PFKFB4: variants seen among roughly 807,000 people sequenced by gnomAD.
PFKFB4 encodes the protein 6-phosphofructo-2-kinase/fructose-2,6-bisphosphatase 4.
In PFKFB4, 42 loss-of-function variants were observed where a neutral mutation model predicts 62.8. The observed-to-expected ratio is 0.67, with a 90% CI of 0.52 to 0.86. The LOEUF (loss-of-function observed/expected upper bound fraction) is 0.86. Among genes scored for constraint, PFKFB4 ranks in the 40% least tolerant of loss-of-function variants. The probability of loss-of-function intolerance (pLI) is 0.00; values close to 1 mark genes in which losing one functional copy is unlikely to be tolerated. For synonymous variants in PFKFB4, 204 were observed against 240.7 expected (o/e 0.85, Z 1.41); for missense variants, 475 against 627.2 (o/e 0.76, Z 2.59).
At chr3:48,544,045 C>T (rs542080143) in intron 3 of PFKFB4, among the ~76,000 whole-genome samples, 12 of 143,312 alleles carry the variant, frequency 8.4e-5, no homozygotes, top group African/African-American at 1.8e-4. Context: ...GACTGAGTCT[C>T]GCTCTGTCAC....
chr3:48,559,057 A>G (rs984037044), upstream of PFKFB4, among the ~76,000 whole-genome samples: 4 of 152,284 alleles, frequency 2.6e-5, no homozygotes, highest in African/African-American at 9.6e-5. Context: ...ACCTCCTGGG[A>G]TGCTAATCAA....
chr3:48,554,283 T>C (rs74986114), intron 1 of PFKFB4, among the ~76,000 whole-genome samples: 3,545 of 152,310 alleles, frequency 0.023, 59 homozygotes, highest in Middle Eastern at 0.048. Context: ...AAGTCTACTA[T>C]GCAAAGGGTA....
At chr3:48,559,427 C>A, upstream of PFKFB4, 2 of 442,872 alleles carry the variant, frequency 4.5e-6, no homozygotes. Context: ...GTCCACAGTG[C>A]AGCATGGACT....
intron 3 of PFKFB4, among the ~76,000 whole-genome samples, chr3:48,547,127 G>C (rs61489735): frequency 0.066 from 9,987 of 152,280 alleles, 1,066 homozygotes; most frequent in African/African-American, 0.22. Context: ...TACACACCAT[G>C]TATGAGCGTG....
rs531213070 is a variant in PFKFB4, at chr3:48,518,747, C to G, written c.*1000G>C. 23 of 152,358 alleles carry G rather than the reference C, an allele frequency of 1.5e-4. No homozygotes were observed. The highest frequency in any genetic ancestry group is 1.5e-3 in the Admixed American group (23 of 15,304). The allele number at this position is 152,358 out of a possible 1,614,324, so 9.4% of individuals were successfully genotyped here. A position where few individuals can be genotyped will look rare whatever the true frequency, so the allele number is the denominator to read the frequency against. ...AAACACCAGAGAAGTTTTACAGGAC[C>G]ATACAAGTGTTTCTGAATTATTTAT... is the stretch of plus-strand genomic sequence containing the variant. On this transcript the variant is annotated 3_prime_UTR_variant, in exon 14 of 14. Transcript: ENST00000232375.
At position 48,519,427 on chromosome 3, in the gene PFKFB4, A is replaced by G. The variant is rs2042020236; in HGVS notation, c.*320T>C. On this transcript the variant is annotated 3_prime_UTR_variant, in exon 14 of 14. Transcript: ENST00000232375. ...ACATTGTAGGGTTTCACACTTCACA[A>G]AGCCAACTGAGCTGGCGAGAGTGAA... 1 of 336,796 alleles carries G rather than the reference A, an allele frequency of 3.0e-6. No individual in the cohort carries two copies. 20.9% of individuals were successfully genotyped at this position (336,796 alleles called of 1,614,324 possible).
Position 48,519,886 on chromosome 3 carries a change from G to A in PFKFB4, c.1351-80C>T. On this transcript the variant is annotated intron_variant, in intron 13 of 13. Coordinates refer to ENST00000232375, the MANE Select transcript of PFKFB4 (RefSeq NM_004567.4). ...TGCTGTCTGCCGTCCTCATCACTGT[G>A]GTTCATCAGGCTTCACATTCTCACT... 2 of 1,120,308 alleles carry A rather than the reference G, an allele frequency of 1.8e-6. 1 individual carries two copies. The allele number at this position is 1,120,308 out of a possible 1,614,324, so 69.4% of individuals were successfully genotyped here.
intron 9 of PFKFB4, 151 bp downstream of exon 9, chr3:48,535,361 C>T (rs765129135): frequency 2.5e-5 from 18 of 707,596 alleles, no homozygotes; most frequent in African/African-American, 3.6e-5. Flanking sequence ...GTTAGGCTGC[C>T]TTTTCCTCTC....
chr3:48,540,622 T>A (rs1044833758), intron 4 of PFKFB4, among the ~76,000 whole-genome samples: 8 of 151,950 alleles, frequency 5.3e-5, no homozygotes, highest in African/African-American at 1.5e-4. Context: ...TAAAAAAAAT[T>A]TTTTTGAGAC....
At chr3:48,560,954 A>C, upstream of PFKFB4, 10 of 451,976 alleles carry the variant, frequency 2.2e-5, no homozygotes, top group South Asian at 2.8e-5. Flanking sequence ...CTAAACCAGG[A>C]GAGACCCCCC....
In PFKFB4 at chr3:48,519,721, C is replaced by T; in HGVS notation, c.*26G>A. On this transcript the variant is annotated 3_prime_UTR_variant, in exon 14 of 14. Transcript: ENST00000232375. ...CCCCTCTGCAGAGAGCAGTGCCTGCCTAGTGGTCACAGTGGATGAACATGG... is the reference window on the plus strand; with the variant it reads ...CCCCTCTGCAGAGAGCAGTGCCTGCTTAGTGGTCACAGTGGATGAACATGG... 1 of 1,588,112 alleles carries T rather than the reference C, an allele frequency of 6.3e-7. No homozygotes were observed. The highest frequency in any genetic ancestry group is 8.6e-7 in the Non-Finnish European group (1 of 1,157,134).
intron 9 of PFKFB4, among the ~76,000 whole-genome samples, chr3:48,532,177 G>A (rs2042450229): frequency 6.6e-6 from 1 of 152,268 alleles, no homozygotes; most frequent in Non-Finnish European, 1.5e-5. Context: ...AGGCATCGTG[G>A]TGTGGGCCTG....
At chr3:48,555,050 CAAAAAAAAAAA>C (rs11328976) in intron 1 of PFKFB4, among the ~76,000 whole-genome samples, 3 of 59,486 alleles carry the variant, frequency 5.0e-5, no homozygotes, top group African/African-American at 2.2e-4. Context: ...AACTCCGTCT[CAAAAAAAAAAA>C]AAAAAAAAAA....
In PFKFB4 at chr3:48,552,212, G is replaced by A. The variant is rs556513694; in HGVS notation, c.98-1978C>T. The stretch of plus-strand genomic sequence containing the variant: ...GAAGCCTAGTGCTATCCAAGAGCCT[G>A]GGCACTTCTGGGAAGCTGTGCCCTC... On this transcript the variant is annotated intron_variant, in intron 1 of 13. Coordinates refer to ENST00000232375, the MANE Select transcript of PFKFB4 (RefSeq NM_004567.4). Among the ~76,000 whole-genome samples, 8 of 152,346 alleles carry A rather than the reference G, an allele frequency of 5.3e-5. No individual in the cohort carries two copies. In the East Asian group the frequency reaches 1.5e-3, roughly 29 times the overall value.
intron 1 of PFKFB4, 45 bp from the exon 2 acceptor site, chr3:48,550,279 C>T: frequency 8.2e-7 from 1 of 1,212,966 alleles, no homozygotes; most frequent in Non-Finnish European, 1.2e-6. Flanking sequence ...TGGGACCCTC[C>T]CAGCGCACCC....
chr3:48,555,660 C>T (rs559435183), intron 1 of PFKFB4, among the ~76,000 whole-genome samples: 4 of 151,968 alleles, frequency 2.6e-5, no homozygotes, highest in South Asian at 2.1e-4. Context: ...TTCGGAAGGC[C>T]GAGGCCAGAG....
intron 10 of PFKFB4, among the ~76,000 whole-genome samples, chr3:48,524,981 G>T (rs988332314): frequency 3.3e-5 from 5 of 152,068 alleles, no homozygotes; most frequent in Non-Finnish European, 7.4e-5. Flanking sequence ...AGGGCTGGGG[G>T]TGGTGCCTGG....
chr3:48,520,689 C>T (rs1166381097), intron 13 of PFKFB4, among the ~76,000 whole-genome samples: 1 of 152,206 alleles, frequency 6.6e-6, no homozygotes, highest in Non-Finnish European at 1.5e-5. Flanking sequence ...ACAGCCTGCC[C>T]CAATGGATGG....
intron 13 of PFKFB4, among the ~76,000 whole-genome samples, chr3:48,520,017 G>A (rs935123091): frequency 5.3e-5 from 8 of 152,192 alleles, no homozygotes; most frequent in Admixed American, 2.0e-4. Context: ...ACAAAGGTGC[G>A]GTGGAGGATG....
Sources: gnomAD v4.1 joint callset for allele counts (sites outside exome capture counted in the v4.1 genomes callset) on GRCh38, gnomAD v4.1.1 for gene constraint, MANE v1.5 for transcripts, NCBI Gene and HGNC (gene_info 2026-07-23, HGNC 2026-07-21) for gene names.